Variants in GPR149 observed in about 807,000 individuals in gnomAD.
The protein encoded by GPR149 is G protein-coupled receptor 149.
GPR149 carries 50 observed loss-of-function variants against 50.2 expected under a neutral mutation model. The observed-to-expected ratio is 1.00, with a 90% CI of 0.79 to 1.26. The LOEUF (loss-of-function observed/expected upper bound fraction) is 1.26, where lower values mean the gene tolerates loss of function less well. GPR149 is among the 50% of genes most tolerant of loss of function. GPR149 has a pLI of 0.00. For synonymous variants in GPR149, 405 were observed against 358.2 expected (o/e 1.13, Z -1.48); for missense variants, 983 against 895.4 (o/e 1.10, Z -1.25).
intron 3 of GPR149, among the ~76,000 whole-genome samples, chr3:154,342,981 A>C (rs964731214): frequency 7.2e-5 from 11 of 152,250 alleles, no homozygotes; most frequent in African/African-American, 2.4e-4. Context: ...AACAATCTAA[A>C]GATCTACATT....
chr3:154,392,674 A>T (rs1715197550), intron 3 of GPR149, among the ~76,000 whole-genome samples: 1 of 151,768 alleles, frequency 6.6e-6, no homozygotes, highest in Admixed American at 6.6e-5. Flanking sequence ...AACAAAATAG[A>T]CAAACCACTA....
chr3:154,337,761 C>T lies in GPR149; in HGVS notation c.2134G>A (p.Glu712Lys). ...GCTTTATTTAACAACTGGATTTCCTCCTGGTAGCCATCCCTCTCTTGATGC... is the reference window on the plus strand; with the variant it reads ...GCTTTATTTAACAACTGGATTTCCTTCTGGTAGCCATCCCTCTCTTGATGC... Reference protein sequence around the residue: ...RQHQERDGYQEEIQLLNKAYR... With the variant: ...RQHQERDGYQKEIQLLNKAYR... Residue 712 changes from glutamate to lysine, a missense_variant, in exon 4 of 4, where the codon GAG becomes AAG. Glu to Lys is a moderately conservative substitution (Grantham distance 56). Coordinates refer to ENST00000389740, the MANE Select transcript of GPR149 (RefSeq NM_001038705.3). 6.2e-7 allele frequency: 1 copy of T among 1,613,104 alleles called. No individual in the cohort carries two copies. Among genetic ancestry groups the T allele is most frequent in the Non-Finnish European group, 8.5e-7 (1 of 1,179,626 alleles).
At chr3:154,347,052 CACA>C (rs1461412618) in intron 3 of GPR149, among the ~76,000 whole-genome samples, 2 of 152,122 alleles carry the variant, frequency 1.3e-5, no homozygotes, top group African/African-American at 4.8e-5. Context: ...ATTTAATATT[CACA>C]ACAACCTTAT....
chr3:154,371,811 C>T (rs1714672213), intron 3 of GPR149, among the ~76,000 whole-genome samples: 2 of 152,156 alleles, frequency 1.3e-5, no homozygotes, highest in Non-Finnish European at 2.9e-5. Context: ...CAATGGATAC[C>T]TCGGCTCCTC....
intron 2 of GPR149, 83 bp from the exon 3 acceptor site, chr3:154,421,570 AAG>A (rs1171737300): frequency 1.5e-6 from 1 of 650,826 alleles, no homozygotes; most frequent in African/African-American, 1.9e-5. Flanking sequence ...TAAAAATAGA[AAG>A]CGCATTCAAC....
intron 3 of GPR149, among the ~76,000 whole-genome samples, chr3:154,345,232 C>A (rs1001789359): frequency 6.6e-6 from 1 of 152,152 alleles, no homozygotes; most frequent in Non-Finnish European, 1.5e-5. Context: ...AAAATAGGAT[C>A]ATCTTTTAAA....
At chr3:154,378,176 G>T (rs558714614) in intron 3 of GPR149, among the ~76,000 whole-genome samples, 1 of 148,706 alleles carries the variant, frequency 6.7e-6, no homozygotes, top group Non-Finnish European at 1.5e-5. Flanking sequence ...TCTGCTTCCC[G>T]GGTTCCAGTG....
In GPR149 at chr3:154,377,734, G is replaced by A. The variant is rs541113801; in HGVS notation, c.1624-39463C>T. On this transcript the variant is annotated intron_variant, in intron 3 of 3. Transcript: ENST00000389740. ...TTGCATTCCACTAAACTAACTCATT[G>A]TAAAGAGTGCAGTTCAATGATATTT... 3.9e-5 allele frequency among the ~76,000 whole-genome samples: 6 copies of A among 152,148 alleles called. No individual in the cohort carries two copies. The South Asian group carries it at 1.2e-3, about 32-fold the overall frequency.
At chr3:154,357,890 C>G (rs1315322187) in intron 3 of GPR149, among the ~76,000 whole-genome samples, 6 of 152,166 alleles carry the variant, frequency 3.9e-5, no homozygotes, top group African/African-American at 7.2e-5. Context: ...GGATCCAACC[C>G]AAATGTTCAA....
chr3:154,347,361 C>T (rs982572043), intron 3 of GPR149, among the ~76,000 whole-genome samples: 6 of 152,254 alleles, frequency 3.9e-5, no homozygotes, highest in Admixed American at 1.3e-4. Context: ...CACATAGTGG[C>T]AGCAAGAAGT....
At chr3:154,391,239 C>G (rs1715162077) in intron 3 of GPR149, among the ~76,000 whole-genome samples, 1 of 148,124 alleles carries the variant, frequency 6.8e-6, no homozygotes, top group East Asian at 2.0e-4. Flanking sequence ...TAATTATAAC[C>G]ATAAAATGTG....
At position 154,428,851 on chromosome 3, in the gene GPR149, A is replaced by G. The variant is rs1237324585; in HGVS notation, c.765T>C (p.Asp255=). The G allele has an allele frequency of 4.3e-6, 7 of 1,613,750 alleles. No individual in the cohort carries two copies. Residue 255 remains aspartate, a synonymous_variant, in exon 1 of 4, where the codon GAT becomes GAC. Coordinates refer to ENST00000389740, the MANE Select transcript of GPR149 (RefSeq NM_001038705.3). ...AGRVVSLSPE[D]APGPSLRRSG... is the part of the protein sequence containing the mutation. The stretch of plus-strand genomic sequence containing the variant: ...AGCGCCGCAGACTCGGGCCTGGAGC[A>G]TCCTCTGGGGACAGGGAAACCACTC...
chr3:154,425,155 T>C (rs1312091025), intron 2 of GPR149, among the ~76,000 whole-genome samples: 3 of 152,090 alleles, frequency 2.0e-5, no homozygotes, highest in African/African-American at 7.2e-5. Flanking sequence ...CAAATTATTT[T>C]CCACTGCTCA....
At chr3:154,360,274 A>G (rs1427581232) in intron 3 of GPR149, among the ~76,000 whole-genome samples, 2 of 152,174 alleles carry the variant, frequency 1.3e-5, no homozygotes, top group East Asian at 1.9e-4. Flanking sequence ...GACTATACTA[A>G]GGTTTTATTT....
intron 3 of GPR149, among the ~76,000 whole-genome samples, chr3:154,367,110 G>A (rs1388484402): frequency 6.6e-6 from 1 of 152,166 alleles, no homozygotes; most frequent in Non-Finnish European, 1.5e-5. Flanking sequence ...CTTCTGAGAG[G>A]AGGTTCCAGC....
chr3:154,391,141 A>G (rs967563263), intron 3 of GPR149, among the ~76,000 whole-genome samples: 10 of 152,072 alleles, frequency 6.6e-5, no homozygotes, highest in Admixed American at 6.6e-4. Flanking sequence ...CTTGCTGGTA[A>G]GGGTAAATAT....
At chr3:154,341,426 T>A (rs1369194383) in intron 3 of GPR149, among the ~76,000 whole-genome samples, 1 of 144,538 alleles carries the variant, frequency 6.9e-6, no homozygotes, top group Non-Finnish European at 1.5e-5. Flanking sequence ...TCTAAAAAAA[T>A]TAGAGAGTTT....
chr3:154,375,814 G>T (rs950676106), intron 3 of GPR149, among the ~76,000 whole-genome samples: 1 of 152,120 alleles, frequency 6.6e-6, no homozygotes, highest in African/African-American at 2.4e-5. Flanking sequence ...CACCAATGCT[G>T]GTGGGCATCA....
In GPR149 at chr3:154,429,322, G is replaced by C. The variant is rs754331347; in HGVS notation, c.294C>G (p.Pro98=). ...FMFLQWPNEV[P]GYFQFLCTTS... is the part of the protein sequence containing the mutation. ...TGGTGCACAGAAATTGGAAGTAACC[G>C]GGGACCTCGTTTGGCCACTGCAAAA... The change falls in exon 1 of 4, where the codon CCC becomes CCG. Residue 98 remains proline (P), a synonymous_variant. Transcript: ENST00000389740. The C allele has an allele frequency of 6.2e-7, 1 of 1,614,166 alleles. No individual in the cohort carries two copies. The highest frequency in any genetic ancestry group is 8.5e-7 in the Non-Finnish European group (1 of 1,180,040).
Sources: gnomAD v4.1 joint callset for allele counts (sites outside exome capture counted in the v4.1 genomes callset) on GRCh38, gnomAD v4.1.1 for gene constraint, MANE v1.5 for transcripts, NCBI Gene and HGNC (gene_info 2026-07-23, HGNC 2026-07-21) for gene names.